The following METTL15 variants were observed in gnomAD, a reference collection of about 807,000 sequenced individuals.
METTL15 encodes 12S rRNA N(4)-cytidine methyltransferase METTL15.
METTL15 carries 34 observed loss-of-function variants against 38.3 expected under a neutral mutation model. The ratio of observed to expected loss-of-function variants is 0.89; its 90% CI spans 0.68 to 1.18. The LOEUF (loss-of-function observed/expected upper bound fraction) is 1.18, where lower values mean the gene tolerates loss of function less well. Ranked by LOEUF, METTL15 falls within the 50% of genes most tolerant of loss-of-function variation. The pLI is 0.00. For synonymous variants in METTL15, 162 were observed against 170.9 expected (o/e 0.95, Z 0.41); for missense variants, 438 against 498.4 (o/e 0.88, Z 1.15).
intron 6 of METTL15, among the ~76,000 whole-genome samples, chr11:28,324,530 T>C (rs1211835802): frequency 6.6e-6 from 1 of 152,206 alleles, no homozygotes; most frequent in Non-Finnish European, 1.5e-5. Flanking sequence ...ATTAAGTGCA[T>C]GCAATCAGTT....
downstream of METTL15, among the ~76,000 whole-genome samples, chr11:28,334,523 A>G (rs1007295018): frequency 4.6e-5 from 7 of 152,252 alleles, no homozygotes; most frequent in African/African-American, 1.7e-4. Flanking sequence ...CTTGATAAAT[A>G]TAAATTTGAA....
intron 6 of METTL15, among the ~76,000 whole-genome samples, chr11:28,473,044 C>T (rs1851315769): frequency 6.6e-6 from 1 of 152,122 alleles, no homozygotes; most frequent in Non-Finnish European, 1.5e-5. Flanking sequence ...GGCAGGCCAG[C>T]TAACAAGTTT....
At chr11:28,357,315 C>T (rs1380906398) in intron 4 of METTL15, among the ~76,000 whole-genome samples, 1 of 152,160 alleles carries the variant, frequency 6.6e-6, no homozygotes, top group African/African-American at 2.4e-5. Flanking sequence ...TCTGAAGATC[C>T]AATGAGATAG....
intron 3 of METTL15, among the ~76,000 whole-genome samples, chr11:28,177,165 A>G (rs1220362929): frequency 1.3e-5 from 2 of 152,024 alleles, no homozygotes; most frequent in African/African-American, 4.8e-5. Flanking sequence ...GTGAAAGAAT[A>G]TATATATTTG....
chr11:28,523,952 C>G (rs1288546344), intron 6 of METTL15, among the ~76,000 whole-genome samples: 1 of 152,100 alleles, frequency 6.6e-6, no homozygotes, highest in East Asian at 1.9e-4. Flanking sequence ...TGGGTAGAGG[C>G]CAAGGATGCT....
At chr11:28,305,738 A>G (rs749468159) in intron 6 of METTL15, among the ~76,000 whole-genome samples, 15 of 152,146 alleles carry the variant, frequency 9.9e-5, no homozygotes, top group Non-Finnish European at 1.8e-4. Context: ...AAAAGGTATG[A>G]GAACCCAGAA....
chr11:28,493,950 A>G (rs1284234492), intron 6 of METTL15, among the ~76,000 whole-genome samples: 1 of 152,260 alleles, frequency 6.6e-6, no homozygotes, highest in Non-Finnish European at 1.5e-5. Context: ...CCTCACTGGC[A>G]TGAAACTAGG....
chr11:28,446,181 C>A (rs1401150338), intron 6 of METTL15, among the ~76,000 whole-genome samples: 2 of 151,990 alleles, frequency 1.3e-5, no homozygotes, highest in Admixed American at 1.3e-4. Context: ...GGGTGGAGAC[C>A]CTTGTACCTG....
At chr11:28,298,340 A>G (rs1856809262) in intron 6 of METTL15, among the ~76,000 whole-genome samples, 1 of 152,080 alleles carries the variant, frequency 6.6e-6, no homozygotes, top group South Asian at 2.1e-4. Flanking sequence ...TTTTATTTAT[A>G]AGCAAATCTA....
At chr11:28,142,143 G>T (rs1343131906) in intron 3 of METTL15, among the ~76,000 whole-genome samples, 1 of 152,166 alleles carries the variant, frequency 6.6e-6, no homozygotes, top group African/African-American at 2.4e-5. Context: ...TTAGTTTAAA[G>T]ATGTTAATTG....
At chr11:28,463,184 A>T (rs532936772) in intron 6 of METTL15, among the ~76,000 whole-genome samples, 22 of 152,254 alleles carry the variant, frequency 1.4e-4, no homozygotes, top group Admixed American at 1.0e-3. Flanking sequence ...ATAAGTCTGA[A>T]AATTTCCAGA....
chr11:28,145,100 CT>C (rs1012009113), intron 3 of METTL15: 2 of 155,230 alleles, frequency 1.3e-5, no homozygotes, highest in African/African-American at 4.8e-5. Context: ...GTTAGCTCAA[CT>C]TTGGCTTAAT....
intron 3 of METTL15, chr11:28,122,239 C>T (rs529032099): frequency 8.8e-7 from 1 of 1,130,810 alleles, no homozygotes; most frequent in African/African-American, 1.7e-5. Context: ...TTATAAAATG[C>T]TTTGTTCATA....
intron 6 of METTL15, among the ~76,000 whole-genome samples, chr11:28,445,099 T>A (rs1237394484): frequency 1.3e-5 from 2 of 151,796 alleles, no homozygotes; most frequent in Non-Finnish European, 2.9e-5. Flanking sequence ...AAAGCAGGAG[T>A]CCGAGGCTGG....
intron 4 of METTL15, among the ~76,000 whole-genome samples, chr11:28,282,164 A>C (rs1400803138): frequency 6.6e-6 from 1 of 151,838 alleles, no homozygotes; most frequent in African/African-American, 2.4e-5. Context: ...CTAACATGCT[A>C]CTCTCTCCCA....
At chr11:28,366,065 A>G (rs542730447) in intron 5 of METTL15, among the ~76,000 whole-genome samples, 1 of 152,196 alleles carries the variant, frequency 6.6e-6, no homozygotes, top group African/African-American at 2.4e-5. Context: ...ACAAACAAAT[A>G]AATAAATAAG....
At chr11:28,361,479 G>A (rs1195356418) in intron 4 of METTL15, among the ~76,000 whole-genome samples, 1 of 151,998 alleles carries the variant, frequency 6.6e-6, no homozygotes, top group Non-Finnish European at 1.5e-5. Context: ...ATACATCACA[G>A]AAATTTTATT....
At chr11:28,485,891 C>T (rs1280964087) in intron 6 of METTL15, among the ~76,000 whole-genome samples, 1 of 152,126 alleles carries the variant, frequency 6.6e-6, no homozygotes, top group East Asian at 1.9e-4. Context: ...CTCAGATGGC[C>T]TTTCTTCTAT....
At chr11:28,263,148 T>A (rs919247057) in intron 4 of METTL15, among the ~76,000 whole-genome samples, 4 of 152,092 alleles carry the variant, frequency 2.6e-5, no homozygotes, top group African/African-American at 7.2e-5. Context: ...TTAGAGTATA[T>A]ACAGTATGGT....
Sources: gnomAD v4.1 joint callset for allele counts (sites outside exome capture counted in the v4.1 genomes callset) on GRCh38, gnomAD v4.1.1 for gene constraint, MANE v1.5 for transcripts, NCBI Gene and HGNC (gene_info 2026-07-23, HGNC 2026-07-21) for gene names.